RASGEF1C: variants seen among roughly 807,000 people sequenced by gnomAD.
RASGEF1C encodes the protein ras-GEF domain-containing family member 1C.
A neutral mutation model predicts 58.1 loss-of-function variants in RASGEF1C; 27 were observed. The ratio of observed to expected loss-of-function variants is 0.46; its 90% CI spans 0.34 to 0.64. RASGEF1C has a LOEUF of 0.64. RASGEF1C is among the 30% of genes least tolerant of loss of function. RASGEF1C has a pLI of 0.01. For synonymous variants in RASGEF1C, 243 were observed against 246.3 expected (o/e 0.99, Z 0.13); for missense variants, 502 against 605.1 (o/e 0.83, Z 1.79).
chr5:180,135,788 G>T (rs1376036938), intron 4 of RASGEF1C, among the ~76,000 whole-genome samples: 2 of 152,236 alleles, frequency 1.3e-5, no homozygotes, highest in Admixed American at 6.5e-5. Flanking sequence ...ACCTGGTGTG[G>T]TTTAACTGCA....
chr5:180,141,829 C>T (rs1766585702), intron 1 of RASGEF1C, among the ~76,000 whole-genome samples: 1 of 151,812 alleles, frequency 6.6e-6, no homozygotes. Flanking sequence ...CGTGCCTCAG[C>T]CTCCCAAGTA....
chr5:180,193,714 C>A lies in RASGEF1C; in HGVS notation c.-7+15314G>T, dbSNP rs75360251. Reference sequence around the variant, plus strand: ...GGACGTGGATCTTTCCAGATTTGAACAAACCAACTGTAAAAAGATATTTTT... The same window carrying A: ...GGACGTGGATCTTTCCAGATTTGAAAAAACCAACTGTAAAAAGATATTTTT... On this transcript the variant is annotated intron_variant, in intron 1 of 13. Coordinates refer to ENST00000361132, the MANE Select transcript of RASGEF1C (RefSeq NM_175062.4). Among the ~76,000 whole-genome samples, 261 of 152,336 alleles carry A rather than the reference C, an allele frequency of 1.7e-3. 1 individual carries two copies. Among genetic ancestry groups the A allele is most frequent in the African/African-American group, 6.0e-3 (248 of 41,582 alleles).
rs1756298952 is a variant in RASGEF1C, at chr5:180,197,415, C to A, written c.-7+11613G>T. On this transcript the variant is annotated intron_variant, in intron 1 of 13. Transcript: ENST00000361132. This position sits in a 1 kb window ranked among gnomAD's most constrained non-coding sequence, Gnocchi z 4.7. Reference sequence around the variant, plus strand: ...TAACAGAGAGGCACTCCTGGCTGAGCCTAGCTCAGGCCTGAAACCCACGGC... The same window carrying A: ...TAACAGAGAGGCACTCCTGGCTGAGACTAGCTCAGGCCTGAAACCCACGGC... Among the ~76,000 whole-genome samples, 1 of 152,138 alleles carries A rather than the reference C, an allele frequency of 6.6e-6. No individual in the cohort carries two copies. The highest frequency in any genetic ancestry group is 2.1e-4 in the South Asian group (1 of 4,826).
intron 10 of RASGEF1C, among the ~76,000 whole-genome samples, chr5:180,115,828 C>G (rs1161681253): frequency 6.6e-6 from 1 of 152,026 alleles, no homozygotes; most frequent in African/African-American, 2.4e-5. Flanking sequence ...GCCCTAGTGC[C>G]CCGTCCTACC....
chr5:180,138,846 C>G (rs1312744882), intron 1 of RASGEF1C, among the ~76,000 whole-genome samples: 2 of 152,292 alleles, frequency 1.3e-5, no homozygotes, highest in East Asian at 3.9e-4. Flanking sequence ...TTCCCTCCTG[C>G]AGGAAGGCTC....
intron 4 of RASGEF1C, 43 bp downstream of exon 4, chr5:180,136,335 C>A (rs1269408154): frequency 1.4e-5 from 22 of 1,531,226 alleles, no homozygotes; most frequent in Non-Finnish European, 1.9e-5. Context: ...AGGCCTGGGA[C>A]GGGAGGGACC....
chr5:180,199,149 G>A (rs77711833), intron 1 of RASGEF1C, among the ~76,000 whole-genome samples: 1 of 152,290 alleles, frequency 6.6e-6, no homozygotes, highest in African/African-American at 2.4e-5. Context: ...GTGGCAGGGG[G>A]TGCCTTTCTC....
intron 10 of RASGEF1C, among the ~76,000 whole-genome samples, chr5:180,116,731 C>A (rs569282524): frequency 6.6e-6 from 1 of 152,208 alleles, no homozygotes; most frequent in Non-Finnish European, 1.5e-5. Flanking sequence ...CCATGGCTGA[C>A]GGCTCCCAGC....
chr5:180,119,011 G>GT lies in RASGEF1C; in HGVS notation c.908-146dup. On this transcript the variant is annotated intron_variant, in intron 8 of 13. Transcript: ENST00000361132. ...ATGGTGGGTGGGTGAGGGGGTGCTG[G>GT]TGGACATCATGGTCAGGTAGGCCTG... is the stretch of plus-strand genomic sequence containing the variant. 4.0e-6 allele frequency: 3 copies of GT among 743,434 alleles called. No homozygotes were observed. The South Asian group carries it at 4.8e-5, about 12-fold the overall frequency. The allele number at this position is 743,434 out of a possible 1,614,324, so 46.1% of individuals were successfully genotyped here. A position where few individuals can be genotyped will look rare whatever the true frequency, so the allele number is the denominator to read the frequency against.
intron 5 of RASGEF1C, 71 bp from the exon 6 acceptor site, chr5:180,127,754 C>T (rs1486389816): frequency 2.8e-6 from 4 of 1,414,960 alleles, no homozygotes; most frequent in African/African-American, 2.8e-5. Flanking sequence ...GGGGGCCTGC[C>T]GTGGTGCCCC....
At chr5:180,171,810 T>C (rs558998110) in intron 1 of RASGEF1C, among the ~76,000 whole-genome samples, 1 of 151,944 alleles carries the variant, frequency 6.6e-6, no homozygotes, top group Non-Finnish European at 1.5e-5. Flanking sequence ...ATTCAAAGAG[T>C]GGTCTTGGGA....
In RASGEF1C at chr5:180,156,367, C is replaced by G. The variant is rs1173934616; in HGVS notation, c.-6-18309G>C. Among the ~76,000 whole-genome samples the G allele has an allele frequency of 1.3e-5, 2 of 152,162 alleles. No homozygotes were observed. The highest frequency in any genetic ancestry group is 2.9e-5 in the Non-Finnish European group (2 of 68,034). On this transcript the variant is annotated intron_variant, in intron 1 of 13. Coordinates refer to ENST00000361132, the MANE Select transcript of RASGEF1C (RefSeq NM_175062.4). The surrounding 1 kb of genome is among the most constrained non-coding windows in gnomAD (Gnocchi z 4.9). ...AGGCCCCTCCGGGGGAAGTCGTGAG[C>G]AGGGTTGAAAGGGAGTCTTCGGAAA...
chr5:180,152,716 A>G (rs1766781041), intron 1 of RASGEF1C, among the ~76,000 whole-genome samples: 1 of 145,224 alleles, frequency 6.9e-6, no homozygotes, highest in Admixed American at 6.9e-5. Context: ...AGTATAATTA[A>G]AAAAAAAAAA....
chr5:180,192,634 T>A (rs1312826244), intron 1 of RASGEF1C, among the ~76,000 whole-genome samples: 2 of 152,262 alleles, frequency 1.3e-5, no homozygotes, highest in South Asian at 4.1e-4. Flanking sequence ...AAAGACAGCA[T>A]GAAAAGAGAA....
At chr5:180,131,431 T>C (rs1214605636) in intron 4 of RASGEF1C, among the ~76,000 whole-genome samples, 1 of 149,914 alleles carries the variant, frequency 6.7e-6, no homozygotes, top group African/African-American at 2.4e-5. Flanking sequence ...CACGTTCTCC[T>C]CATCCACTGG....
rs73813819 is a variant in RASGEF1C at position 180,143,682 on chromosome 5, A to G, written c.-6-5624T>C. On this transcript the variant is annotated intron_variant, in intron 1 of 13. Coordinates refer to ENST00000361132, the MANE Select transcript of RASGEF1C (RefSeq NM_175062.4). The surrounding 1 kb of genome is among the most constrained non-coding windows in gnomAD (Gnocchi z 4.3). ...GATTGTAAGGGTGGCAATTAATTCT[A>G]TTTTTTTAAAAAGCCACTGATGGGG... Among the ~76,000 whole-genome samples, 3,495 of 152,200 alleles carry G rather than the reference A, an allele frequency of 0.023. 136 individuals carry two copies. The highest frequency in any genetic ancestry group is 0.078 in the African/African-American group (3,223 of 41,488).
intron 1 of RASGEF1C, among the ~76,000 whole-genome samples, chr5:180,194,590 C>T (rs913524589): frequency 6.6e-6 from 1 of 152,212 alleles, no homozygotes; most frequent in African/African-American, 2.4e-5. Context: ...ATTTTTTATT[C>T]TCAAGGGGCT....
intron 1 of RASGEF1C, among the ~76,000 whole-genome samples, chr5:180,205,232 A>G (rs73338751): frequency 0.018 from 2,771 of 152,222 alleles, 81 homozygotes; most frequent in African/African-American, 0.06. Flanking sequence ...AAAGACTAAC[A>G]ATAAAACTAA....
At chr5:180,157,459 T>TAAA (rs55833450) in intron 1 of RASGEF1C, among the ~76,000 whole-genome samples, 1 of 148,310 alleles carries the variant, frequency 6.7e-6, no homozygotes, top group East Asian at 2.0e-4. Flanking sequence ...CTGTCTCTAC[T>TAAA]AAAAAAAAAA....
Sources: gnomAD v4.1 joint callset for allele counts (sites outside exome capture counted in the v4.1 genomes callset) on GRCh38, gnomAD v4.1.1 for gene constraint, Gnocchi (gnomAD v3.1) non-coding constraint, MANE v1.5 for transcripts, NCBI Gene and HGNC (gene_info 2026-07-23, HGNC 2026-07-21) for gene names.